The following FABP6 variants were observed in gnomAD, a reference collection of about 807,000 sequenced individuals.
FABP6 encodes gastrotropin.
In FABP6, 13 loss-of-function variants were observed where a neutral mutation model predicts 14.9. The ratio of observed to expected loss-of-function variants is 0.87; its 90% confidence interval spans 0.57 to 1.39. The LOEUF (loss-of-function observed/expected upper bound fraction) is 1.39, where lower values mean the gene tolerates loss of function less well. Among genes scored for constraint, FABP6 ranks in the 40% most tolerant of loss-of-function variants. FABP6 has a pLI of 0.00. For missense variants in FABP6, 161 were observed against 167.2 expected (o/e 0.96, Z 0.20); for synonymous variants, 75 against 63.6 (o/e 1.18, Z -0.85).
chr5:160,209,329 C>T (rs1209319843), intron 2 of FABP6, among the ~76,000 whole-genome samples: 1 of 151,914 alleles, frequency 6.6e-6, no homozygotes, highest in African/African-American at 2.4e-5. Context: ...CCAGCCTGGG[C>T]AACATGGTGA....
At chr5:160,215,708 A>G (rs1759996880) in intron 3 of FABP6, among the ~76,000 whole-genome samples, 2 of 151,704 alleles carry the variant, frequency 1.3e-5, no homozygotes, top group South Asian at 4.2e-4. Flanking sequence ...AGAAAAAAAG[A>G]AGTAAAGGCA....
intron 2 of FABP6, among the ~76,000 whole-genome samples, chr5:160,205,317 C>CA (rs1163175404): frequency 0.4 from 26,844 of 66,754 alleles, 5,091 homozygotes; most frequent in Non-Finnish European, 0.45. Flanking sequence ...GACTTCATCT[C>CA]AAAAAAAAAA....
chr5:160,227,265 T>C (rs1760268196), upstream of FABP6, among the ~76,000 whole-genome samples: 1 of 152,136 alleles, frequency 6.6e-6, no homozygotes, highest in Non-Finnish European at 1.5e-5. Flanking sequence ...CTGGGTGTGG[T>C]GGCTCAGGCC....
At chr5:160,192,720 G>A (rs1232371347) in intron 1 of FABP6, among the ~76,000 whole-genome samples, 2 of 152,270 alleles carry the variant, frequency 1.3e-5, no homozygotes, top group Admixed American at 6.5e-5. Flanking sequence ...TGCTTGTACA[G>A]TAAGGCCAGG....
At chr5:160,198,654 T>C in intron 1 of FABP6, 1 of 169,544 alleles carries the variant, frequency 5.9e-6, no homozygotes, top group East Asian at 1.7e-4. Flanking sequence ...CACCACACTG[T>C]CCTTCCTTCT....
At chr5:160,232,326 CCTT>C in intron 2 of FABP6, 53 bp downstream of exon 2, 2 of 1,504,168 alleles carry the variant, frequency 1.3e-6, no homozygotes, top group Non-Finnish European at 1.8e-6. Flanking sequence ...TCTGACTTCT[CCTT>C]CTCAAACATG....
At chr5:160,213,844 A>ACC in intron 3 of FABP6, 5 of 1,591,710 alleles carry the variant, frequency 3.1e-6, no homozygotes, top group South Asian at 1.1e-5. Flanking sequence ...AAGGGAGGGA[A>ACC]GGGTTCCTGA....
chr5:160,214,813 A>G (rs1419043057), intron 3 of FABP6, among the ~76,000 whole-genome samples: 1 of 152,032 alleles, frequency 6.6e-6, no homozygotes, highest in Non-Finnish European at 1.5e-5. Context: ...AGAAAGAAAG[A>G]AATCCCATCA....
chr5:160,225,623 A>G (rs1276158219), upstream of FABP6, among the ~76,000 whole-genome samples: 1 of 150,774 alleles, frequency 6.6e-6, no homozygotes, highest in Non-Finnish European at 1.5e-5. Context: ...GATGGTCTCG[A>G]TCTCCTGATT....
intron 2 of FABP6, among the ~76,000 whole-genome samples, chr5:160,206,205 G>C (rs1759761255): frequency 6.6e-6 from 1 of 152,212 alleles, no homozygotes; most frequent in Non-Finnish European, 1.5e-5. Context: ...GCCGAGGAGG[G>C]CAGATCATGA....
intron 3 of FABP6, among the ~76,000 whole-genome samples, chr5:160,214,152 T>TTCTTTCC (rs1554113261): frequency 7.8e-6 from 1 of 128,890 alleles, no homozygotes; most frequent in East Asian, 2.3e-4. Context: ...TCTTTCTTTC[T>TTCTTTCC]TTCTTTCCTT....
chr5:160,234,712 C>A, intron 2 of FABP6, 108 bp from the exon 3 acceptor site: 1 of 715,378 alleles, frequency 1.4e-6, no homozygotes, highest in Non-Finnish European at 2.2e-6. Flanking sequence ...TAGGCATAAG[C>A]CACCGTGCCT....
At chr5:160,222,515 C>G (rs1442831781) in intron 3 of FABP6, among the ~76,000 whole-genome samples, 1 of 151,890 alleles carries the variant, frequency 6.6e-6, no homozygotes, top group Non-Finnish European at 1.5e-5. Context: ...TGTATTTTTA[C>G]TAGAGATGGG....
intron 2 of FABP6, among the ~76,000 whole-genome samples, chr5:160,233,628 G>A (rs958916594): frequency 1.6e-4 from 24 of 152,030 alleles, no homozygotes; most frequent in African/African-American, 4.8e-4. Flanking sequence ...TAATCCCAGC[G>A]CTTTGGGAAG....
intron 3 of FABP6, among the ~76,000 whole-genome samples, chr5:160,220,966 G>A (rs1720687123): frequency 6.6e-6 from 1 of 151,696 alleles, no homozygotes; most frequent in Non-Finnish European, 1.5e-5. Context: ...ATGGGGGCCT[G>A]TAATCCCAGC....
chr5:160,230,614 G>A (rs1450692511), intron 1 of FABP6, among the ~76,000 whole-genome samples: 3 of 152,008 alleles, frequency 2.0e-5, no homozygotes, highest in Non-Finnish European at 4.4e-5. Flanking sequence ...CACCCACCTC[G>A]GCCTCCCAAA....
chr5:160,195,734 C>T (rs1759496852), intron 1 of FABP6: 1 of 152,244 alleles, frequency 6.6e-6, no homozygotes, highest in Admixed American at 6.5e-5. Context: ...AACCAGCCCA[C>T]CTGGCTATTT....
chr5:160,206,406 C>CGACA (rs1180691661), intron 2 of FABP6, among the ~76,000 whole-genome samples: 2 of 151,716 alleles, frequency 1.3e-5, no homozygotes, highest in Admixed American at 6.6e-5. Flanking sequence ...CCAGCCTGGG[C>CGACA]GACAGAGCAA....
At chr5:160,224,816 C>T (rs527436714), upstream of FABP6, among the ~76,000 whole-genome samples, 1 of 149,444 alleles carries the variant, frequency 6.7e-6, no homozygotes, top group East Asian at 2.0e-4. Context: ...CTTACTCTGT[C>T]CCCCAGGCTG....
Sources: gnomAD v4.1 joint callset for allele counts (sites outside exome capture counted in the v4.1 genomes callset) on GRCh38, gnomAD v4.1.1 for gene constraint, MANE v1.5 for transcripts, NCBI Gene and HGNC (gene_info 2026-07-23, HGNC 2026-07-21) for gene names.